CARMIL2: variants seen among roughly 807,000 people sequenced by gnomAD.
CARMIL2 encodes capping protein, Arp2/3 and myosin-I linker protein 2.
Under a neutral mutation model 173.3 loss-of-function variants are expected in CARMIL2, and 96 were observed. The ratio of observed to expected loss-of-function variants is 0.55; its 90% CI spans 0.47 to 0.66. The LOEUF (loss-of-function observed/expected upper bound fraction) is 0.66, where lower values mean the gene tolerates loss of function less well. Ranked by LOEUF, CARMIL2 falls within the 30% of genes least tolerant of loss-of-function variation. The pLI is 0.00. For missense variants in CARMIL2, 1,771 were observed against 1,906.7 expected (o/e 0.93, Z 1.33); for synonymous variants, 830 against 817.1 (o/e 1.02, Z -0.27).
At position 67,654,591 on chromosome 16, in the gene CARMIL2, G is replaced by C. The variant is rs779240066; in HGVS notation, c.3481G>C (p.Ala1161Pro). The change falls in exon 31 of 38, where the codon GCC (alanine) becomes CCC (proline). Residue 1161 changes from alanine (A) to proline (P), a missense_variant. Ala to Pro is a conservative substitution (Grantham distance 27). This residue lies in a region of CARMIL2 where 817 missense variants were observed against 903.5 expected (regional missense o/e 0.90). Coordinates refer to ENST00000334583, the MANE Select transcript of CARMIL2 (RefSeq NM_001013838.3). ...AEGDTSSPDPAGRSRPRYTRD... is the reference protein window; with the variant it reads ...AEGDTSSPDPPGRSRPRYTRD... ...GGGGGACACCAGCAGCCCTGACCCT[G>C]CCGGCAGGAGCCGACCTCGCTACAC... The C allele has an allele frequency of 6.2e-7, 1 of 1,607,410 alleles. No individual in the cohort carries two copies. Among genetic ancestry groups the C allele is most frequent in the South Asian group, 1.1e-5 (1 of 90,710 alleles).
Position 67,647,761 on chromosome 16 carries a change from C to A in CARMIL2, c.953C>A (p.Pro318Gln), listed in dbSNP as rs547647271. ...AGCCTGGCCCAGACAGGGTTGACAC[C>A]GCGAGGTAGGCTGGATGAGGGAGGG... ...RLSLAQTGLT[P>Q]RGMRALGRAL... Residue 318 changes from proline to glutamine, a missense_variant, in exon 12 of 38, where the codon CCG becomes CAG. By Grantham distance (76) the Pro-to-Gln change is moderately conservative (BLOSUM62 -1). This residue lies in a region of CARMIL2 where 944 missense variants were observed against 975.6 expected (regional missense o/e 0.97). Transcript: ENST00000334583. 3 of 1,542,728 alleles carry A rather than the reference C, an allele frequency of 1.9e-6. No individual in the cohort carries two copies. Among genetic ancestry groups the A allele is most frequent in the Non-Finnish European group, 1.7e-6 (2 of 1,147,902 alleles).
Position 67,656,612 on chromosome 16 carries a change from C to A in CARMIL2, c.4003C>A (p.Pro1335Thr). 1 of 1,603,476 alleles carries A rather than the reference C, an allele frequency of 6.2e-7. No homozygotes were observed. The highest frequency in any genetic ancestry group is 8.5e-7 in the Non-Finnish European group (1 of 1,175,108). ...TSPSPDSLGL[P>T]EDPCLGPRNE... ...CCCCTCCCCAGACAGCCTGGGCCTC[C>A]CAGAGGACCCTTGCTTGGGCCCCAG... The change falls in exon 35 of 38, where the codon CCA (proline) becomes ACA (threonine). Residue 1335 changes from proline to threonine, a missense_variant. This residue lies in a region of CARMIL2 where 817 missense variants were observed against 903.5 expected (regional missense o/e 0.90). Coordinates refer to ENST00000334583, the MANE Select transcript of CARMIL2 (RefSeq NM_001013838.3).
Position 67,646,098 on chromosome 16 carries a change from C to T in CARMIL2, c.249+18C>T, listed in dbSNP as rs1253405376. On this transcript the variant is annotated intron_variant, in intron 4 of 37. Coordinates refer to ENST00000334583, the MANE Select transcript of CARMIL2 (RefSeq NM_001013838.3). The surrounding 1 kb of genome is among the most constrained non-coding windows in gnomAD (Gnocchi z 4.6). ...CCCCTCAGGTGAGACACCTAGTACC[C>T]TACCTGGGCCTGCAGCCTGGTCTTC... 6.2e-7 allele frequency: 1 copy of T among 1,613,682 alleles called. No homozygotes were observed. Among genetic ancestry groups the T allele is most frequent in the African/African-American group, 1.3e-5 (1 of 74,936 alleles).
In CARMIL2 at chr16:67,646,517, G is replaced by T; in HGVS notation, c.466G>T (p.Gly156Cys). The part of the protein sequence containing the change: ...SESTDPCSPC[G>C]GFLETYEALC... ...GTCCACTGACCCCTGCAGCCCCTGTGGTAAGGGTGAAGGCAGAGCCACAGG... is the reference window on the plus strand; with the variant it reads ...GTCCACTGACCCCTGCAGCCCCTGTTGTAAGGGTGAAGGCAGAGCCACAGG... The change falls in exon 6 of 38, where the codon GGT becomes TGT. Residue 156 changes from glycine (G) to cysteine (C), a missense_variant and splice_region_variant. Transcript: ENST00000334583. This position sits in a 1 kb window ranked among gnomAD's most constrained non-coding sequence, Gnocchi z 4.6. The T allele has an allele frequency of 6.2e-7, 1 of 1,612,874 alleles. No homozygotes were observed. The highest frequency in any genetic ancestry group is 8.5e-7 in the Non-Finnish European group (1 of 1,179,640).
In CARMIL2 at chr16:67,646,972, C is replaced by T. The variant is rs200130634; in HGVS notation, c.610C>T (p.Arg204Trp). ...SLGDFSHLGS[R>W]DLALSVAALS... ...GGGAGACTTCAGCCACCTCGGCAGTCGGTGTGTGGCCTGCCAGGATGGGAG... is the reference window on the plus strand; with the variant it reads ...GGGAGACTTCAGCCACCTCGGCAGTTGGTGTGTGGCCTGCCAGGATGGGAG... The change falls in exon 8 of 38, where the codon CGG becomes TGG. Residue 204 changes from arginine to tryptophan, a missense_variant and splice_region_variant. Arg to Trp is a moderately radical substitution (Grantham distance 101). This residue lies in a region of CARMIL2 where 944 missense variants were observed against 975.6 expected (regional missense o/e 0.97). Coordinates refer to ENST00000334583, the MANE Select transcript of CARMIL2 (RefSeq NM_001013838.3). The surrounding 1 kb of genome is among the most constrained non-coding windows in gnomAD (Gnocchi z 4.6). 42 of 1,612,874 alleles carry T rather than the reference C, an allele frequency of 2.6e-5. No individual in the cohort carries two copies. Among genetic ancestry groups the T allele is most frequent in the Non-Finnish European group, 3.4e-5 (40 of 1,179,622 alleles).
At chr16:67,647,465 G>A in intron 10 of CARMIL2, 43 bp from the exon 11 acceptor site, 1 of 1,564,948 alleles carries the variant, frequency 6.4e-7, no homozygotes, top group Non-Finnish European at 8.7e-7. Flanking sequence ...GGAGGGGTTG[G>A]CAAACCAGGG....
rs771669153 is a variant in CARMIL2 at position 67,649,940 on chromosome 16, C to G, written c.2054C>G (p.Pro685Arg). The G allele has an allele frequency of 3.0e-5, 48 of 1,613,104 alleles. No homozygotes were observed. Among genetic ancestry groups the G allele is most frequent in the Admixed American group, 5.0e-5 (3 of 59,988 alleles). ...GTGGCCCAGGCGCAGCGCAGCCGCCCGGAACTGACAGCACGTGCAGTCCAT... is the reference window on the plus strand; with the variant it reads ...GTGGCCCAGGCGCAGCGCAGCCGCCGGGAACTGACAGCACGTGCAGTCCAT... ...NDVAQAQRSR[P>R]ELTARAVHQI... The change falls in exon 21 of 38, where the codon CCG (proline) becomes CGG (arginine). Residue 685 changes from proline to arginine, a missense_variant. This residue lies in a region of CARMIL2 where 944 missense variants were observed against 975.6 expected (regional missense o/e 0.97). Transcript: ENST00000334583. The surrounding 1 kb of genome is among the most constrained non-coding windows in gnomAD (Gnocchi z 6.7).
rs368639857 is a variant in CARMIL2, at chr16:67,649,833, A to G, written c.1947A>G (p.Thr649=). Residue 649 remains threonine (T), a synonymous_variant, in exon 21 of 38, where the codon ACA becomes ACG. Coordinates refer to ENST00000334583, the MANE Select transcript of CARMIL2 (RefSeq NM_001013838.3). The surrounding 1 kb of genome is among the most constrained non-coding windows in gnomAD (Gnocchi z 6.7). ...CTGTGGTCTGGGACCGGAACCACAC[A>G]TCTGCTTTGGGTCTGCTGGACGTGG... ...LRSVVWDRNH[T]SALGLLDVAQ... 141 of 1,612,394 alleles carry G rather than the reference A, an allele frequency of 8.7e-5. No homozygotes were observed. Among genetic ancestry groups the G allele is most frequent in the Non-Finnish European group, 1.1e-4 (135 of 1,179,620 alleles).
chr16:67,649,069 C>T lies in CARMIL2; in HGVS notation c.1592-7C>T. 5 of 1,611,508 alleles carry T rather than the reference C, an allele frequency of 3.1e-6. No homozygotes were observed. The highest frequency in any genetic ancestry group is 4.2e-6 in the Non-Finnish European group (5 of 1,178,948). Reference sequence around the variant, plus strand: ...TTCGCCTCGTGCGTGACCCGAGTCACCCCCAGGCTTCGGCTCAGACATGGT... The same window carrying T: ...TTCGCCTCGTGCGTGACCCGAGTCATCCCCAGGCTTCGGCTCAGACATGGT... On this transcript the variant is annotated splice_region_variant and splice_polypyrimidine_tract_variant and intron_variant, in intron 17 of 37. Transcript: ENST00000334583. The surrounding 1 kb of genome is among the most constrained non-coding windows in gnomAD (Gnocchi z 6.7).
In CARMIL2 at chr16:67,651,341, G is replaced by A. The variant is rs2052718616; in HGVS notation, c.2313+26G>A. 1.2e-6 allele frequency: 2 copies of A among 1,611,586 alleles called. No individual in the cohort carries two copies. The highest frequency in any genetic ancestry group is 1.7e-6 in the Non-Finnish European group (2 of 1,178,240). On this transcript the variant is annotated intron_variant, in intron 23 of 37. Coordinates refer to ENST00000334583, the MANE Select transcript of CARMIL2 (RefSeq NM_001013838.3). The surrounding 1 kb of genome is among the most constrained non-coding windows in gnomAD (Gnocchi z 4.2). ...GTGAGCACTCCCCCTCCTGCTACAA[G>A]GACCCTTCCCCTCTTAGTCAGGTGT...
intron 22 of CARMIL2, chr16:67,650,369 G>A (rs1431708278): frequency 1.7e-6 from 1 of 579,718 alleles, no homozygotes; most frequent in Non-Finnish European, 3.1e-6. Context: ...CCTGTAAACA[G>A]GCTGTCCTGT....
At position 67,651,531 on chromosome 16, in the gene CARMIL2, G is replaced by A. The variant is rs2052723038; in HGVS notation, c.2427+17G>A. ...GACATCCAGGTGAGAGGGTACTCCT[G>A]CCCCAACCCCACCTCCGTTTGCAGG... On this transcript the variant is annotated intron_variant, in intron 24 of 37. Transcript: ENST00000334583. The surrounding 1 kb of genome is among the most constrained non-coding windows in gnomAD (Gnocchi z 4.2). 2 of 1,573,570 alleles carry A rather than the reference G, an allele frequency of 1.3e-6. No homozygotes were observed. Among genetic ancestry groups the A allele is most frequent in the East Asian group, 4.6e-5 (2 of 43,736 alleles).
chr16:67,656,123 A>C (rs2052848387), intron 33 of CARMIL2, 56 bp downstream of exon 33: 1 of 1,611,072 alleles, frequency 6.2e-7, no homozygotes, highest in Admixed American at 1.7e-5. Flanking sequence ...CCTTATAGAC[A>C]GCCCCCAAGG....
rs1169154464 is a variant in CARMIL2, at chr16:67,654,182, C to T, written c.3154C>T (p.Leu1052Phe). 6.4e-7 allele frequency: 1 copy of T among 1,563,644 alleles called. No homozygotes were observed. Among genetic ancestry groups the T allele is most frequent in the Non-Finnish European group, 8.7e-7 (1 of 1,155,354 alleles). Residue 1052 changes from leucine to phenylalanine, a missense_variant, in exon 30 of 38, where the codon CTC becomes TTC. Around this residue, in one of 3 missense-constraint regions of CARMIL2, gnomAD observed 817 missense variants for 903.5 expected, o/e 0.90. Coordinates refer to ENST00000334583, the MANE Select transcript of CARMIL2 (RefSeq NM_001013838.3). ...AGCCTTGCCGCAGGAAGGGAATGGG[C>T]TCAGTGCCCGCGTGGACGAGGGCGT... is the stretch of plus-strand genomic sequence containing the variant. Reference protein sequence around the residue: ...PPALPQEGNGLSARVDEGVEE... With the variant: ...PPALPQEGNGFSARVDEGVEE...
At position 67,649,919 on chromosome 16, in the gene CARMIL2, C is replaced by G; in HGVS notation, c.2033C>G (p.Ala678Gly). The G allele has an allele frequency of 6.2e-7, 1 of 1,613,188 alleles. No homozygotes were observed. The highest frequency in any genetic ancestry group is 8.5e-7 in the Non-Finnish European group (1 of 1,179,848). Residue 678 changes from alanine to glycine, a missense_variant, in exon 21 of 38, where the codon GCC becomes GGC. Transcript: ENST00000334583. The surrounding 1 kb of genome is among the most constrained non-coding windows in gnomAD (Gnocchi z 6.7). Reference protein sequence around the residue: ...KAMPLPLNDVAQAQRSRPELT... With the variant: ...KAMPLPLNDVGQAQRSRPELT... Reference sequence around the variant, plus strand: ...ATGCCTCTGCCACTGAACGACGTGGCCCAGGCGCAGCGCAGCCGCCCGGAA... The same window carrying G: ...ATGCCTCTGCCACTGAACGACGTGGGCCAGGCGCAGCGCAGCCGCCCGGAA...
Position 67,652,218 on chromosome 16 carries a change from A to C in CARMIL2, c.2696A>C (p.Gln899Pro). The part of the protein sequence containing the change: ...RDQLVESLAQ[Q>P]ATVTMPPALP... ...TTGCAGGTGGAGAGTCTGGCTCAGC[A>C]GGCAACAGTGACAATGCCCCCTGCC... is the stretch of plus-strand genomic sequence containing the variant. Residue 899 changes from glutamine (Q) to proline (P), a missense_variant, in exon 27 of 38, where the codon CAG (glutamine) becomes CCG (proline). Gln to Pro is a moderately conservative substitution (Grantham distance 76, BLOSUM62 -1). Around this residue, in one of 3 missense-constraint regions of CARMIL2, gnomAD observed 817 missense variants for 903.5 expected, o/e 0.90. Transcript: ENST00000334583. This position sits in a 1 kb window ranked among gnomAD's most constrained non-coding sequence, Gnocchi z 4.7. The C allele has an allele frequency of 6.2e-7, 1 of 1,612,842 alleles. No individual in the cohort carries two copies. The highest frequency in any genetic ancestry group is 1.1e-5 in the South Asian group (1 of 91,080).
In CARMIL2 at chr16:67,647,164, G is replaced by T. The variant is rs752412977; in HGVS notation, c.660G>T (p.Arg220=). 2.5e-6 allele frequency: 4 copies of T among 1,613,868 alleles called. No homozygotes were observed. The South Asian group carries it at 3.3e-5, about 13-fold the overall frequency. Reference sequence around the variant, plus strand: ...CCCTGTCCTACAACCTGTGGTTCCGGTGCCTCTCCTGTGTGGACATGAAGC... The same window carrying T: ...CCCTGTCCTACAACCTGTGGTTCCGTTGCCTCTCCTGTGTGGACATGAAGC... ...VAALSYNLWF[R]CLSCVDMKLS... is the part of the protein sequence containing the mutation. The change falls in exon 9 of 38, where the codon CGG becomes CGT. Residue 220 remains arginine, a synonymous_variant. Transcript: ENST00000334583.
Position 67,653,364 on chromosome 16 carries a change from G to A in CARMIL2, c.3120+110G>A. 1 of 379,790 alleles carries A rather than the reference G, an allele frequency of 2.6e-6. No individual in the cohort carries two copies. Among genetic ancestry groups the A allele is most frequent in the Non-Finnish European group, 3.8e-6 (1 of 263,540 alleles). The allele number at this position is 379,790 out of a possible 1,614,324, so 23.5% of individuals were successfully genotyped here. A position where few individuals can be genotyped will look rare whatever the true frequency, so the allele number is the denominator to read the frequency against. ...GGAGAGGGGGTGGTGGGGGCCCAAGGCCACCTGGTCGTGCGGCCGCGGTCA... is the reference window on the plus strand; with the variant it reads ...GGAGAGGGGGTGGTGGGGGCCCAAGACCACCTGGTCGTGCGGCCGCGGTCA... On this transcript the variant is annotated intron_variant, in intron 29 of 37. Coordinates refer to ENST00000334583, the MANE Select transcript of CARMIL2 (RefSeq NM_001013838.3). This position sits in a 1 kb window ranked among gnomAD's most constrained non-coding sequence, Gnocchi z 7.4.
In CARMIL2 at chr16:67,648,254, C is replaced by T. The variant is rs188574195; in HGVS notation, c.1274C>T (p.Ser425Phe). The T allele has an allele frequency of 1.6e-3, 2,502 of 1,600,484 alleles. 52 individuals are homozygous for T. The Admixed American group carries it at 0.023, about 15-fold the overall frequency. ...SLPPQLFAAV[S>F]RGCCTSLTHL... ...CCCCCGCAGCTCTTCGCAGCGGTAT[C>T]CCGAGGCTGCTGCACCAGCCTTACC... The change falls in exon 14 of 38, where the codon TCC becomes TTC. Residue 425 changes from serine (S) to phenylalanine (F), a missense_variant. Ser to Phe is a radical substitution (Grantham distance 155). Transcript: ENST00000334583. The surrounding 1 kb of genome is among the most constrained non-coding windows in gnomAD (Gnocchi z 6.1).
Sources: allele counts gnomAD v4.1 joint callset, GRCh38; gene constraint gnomAD v4.1.1; regional missense constraint gnomAD v4.1.1; non-coding constraint Gnocchi (gnomAD v3.1); transcripts MANE v1.5; gene names NCBI Gene and HGNC (gene_info 2026-07-23, HGNC 2026-07-21).